ZNF845: variants seen among roughly 807,000 people sequenced by gnomAD.
ZNF845 encodes zinc finger protein 845.
Under a neutral mutation model 76.1 loss-of-function variants are expected in ZNF845, and 59 were observed. The observed-to-expected ratio is 0.78, with a 90% confidence interval of 0.63 to 0.96. The LOEUF (loss-of-function observed/expected upper bound fraction) is 0.96, where lower values mean the gene tolerates loss of function less well. Ranked by LOEUF, ZNF845 falls within the 40% of genes least tolerant of loss-of-function variation. ZNF845 has a pLI of 0.00. For synonymous variants in ZNF845, 361 were observed against 386.9 expected (o/e 0.93, Z 0.78); for missense variants, 1,045 against 1,172.8 (o/e 0.89, Z 1.59).
rs770439423 is a variant in ZNF845, at chr19:53,353,226, G to T, written c.2551G>T (p.Ala851Ser). 6.2e-7 allele frequency: 1 copy of T among 1,605,736 alleles called. No homozygotes were observed. The highest frequency in any genetic ancestry group is 8.5e-7 in the Non-Finnish European group (1 of 1,177,358). Residue 851 changes from alanine to serine, a missense_variant, in exon 4 of 4, where the codon GCA becomes TCA. Transcript: ENST00000458035. ...CAATTCAGCCCTTGAAATTCATAAG[G>T]CAATTCATACTGGAGAAAAACCTTA... is the stretch of plus-strand genomic sequence containing the variant. ...RHNSALEIHKAIHTGEKPYKC... is the reference protein window; with the variant it reads ...RHNSALEIHKSIHTGEKPYKC...
chr19:53,353,456 T>C lies in ZNF845; in HGVS notation c.2781T>C (p.Asn927=), dbSNP rs774945016. The change falls in exon 4 of 4, where the codon AAT becomes AAC. Residue 927 remains asparagine (N), a synonymous_variant. Coordinates refer to ENST00000458035, the MANE Select transcript of ZNF845 (RefSeq NM_138374.3). The stretch of plus-strand genomic sequence containing the variant: ...AGTGTGGCAAAACCTTCCGTCACAA[T>C]TCAGTCCTTGTAATTCATAAGACAA... ...CNECGKTFRH[N]SVLVIHKTIH... 1 of 1,612,018 alleles carries C rather than the reference T, an allele frequency of 6.2e-7. No individual in the cohort carries two copies. Among genetic ancestry groups the C allele is most frequent in the Non-Finnish European group, 8.5e-7 (1 of 1,179,488 alleles).
chr19:53,351,405 A>T lies in ZNF845; in HGVS notation c.730A>T (p.Lys244Ter). 6.2e-7 allele frequency: 1 copy of T among 1,614,232 alleles called. No homozygotes were observed. Among genetic ancestry groups the T allele is most frequent in the Non-Finnish European group, 8.5e-7 (1 of 1,180,044 alleles). Residue 244 changes from lysine to a stop codon, truncating the protein, a stop_gained, in exon 4 of 4, where the codon AAA becomes TAA. Coordinates refer to ENST00000458035, the MANE Select transcript of ZNF845 (RefSeq NM_138374.3). LOFTEE classifies it high-confidence loss of function. ...AATCCATTTAGGAGCGAAACAATATAAATGTGATGTGTGTGGCAAGGTCTT... is the reference window on the plus strand; with the variant it reads ...AATCCATTTAGGAGCGAAACAATATTAATGTGATGTGTGTGGCAAGGTCTT... ...QIIHLGAKQY[K>*]CDVCGKVFNQ...
At chr19:53,340,625 G>C in intron 1 of ZNF845, among the ~76,000 whole-genome samples, 1 of 152,252 alleles carries the variant, frequency 6.6e-6, no homozygotes, top group East Asian at 1.9e-4. Context: ...TAATTACATT[G>C]TTTATAAGGG....
intron 1 of ZNF845, among the ~76,000 whole-genome samples, chr19:53,340,171 C>A (rs2085246076): frequency 6.6e-6 from 1 of 152,226 alleles, no homozygotes. Flanking sequence ...CATGCCTCAG[C>A]CTCCTGAGCA....
Position 53,355,746 on chromosome 19 carries a change from C to T in ZNF845, c.*2158C>T, listed in dbSNP as rs1224074184. The T allele has an allele frequency of 1.3e-5, 2 of 151,992 alleles. No individual in the cohort carries two copies. Among genetic ancestry groups the T allele is most frequent in the Admixed American group, 6.6e-5 (1 of 15,258 alleles). The allele number at this position is 151,992 out of a possible 1,614,324, so 9.4% of individuals were successfully genotyped here. The stretch of plus-strand genomic sequence containing the variant: ...GTGATATCCTACAGGAAAACCATTC[C>T]ATTTTCCTTCATTGGTTATTTCAGC... On this transcript the variant is annotated 3_prime_UTR_variant, in exon 4 of 4. Transcript: ENST00000458035.
chr19:53,334,650 T>C (rs575620227), intron 1 of ZNF845, among the ~76,000 whole-genome samples: 9 of 151,062 alleles, frequency 6.0e-5, no homozygotes, highest in African/African-American at 1.5e-4. Context: ...CCTGTAATCC[T>C]AGCACTTTAG....
At chr19:53,339,526 A>T (rs542837376) in intron 1 of ZNF845, among the ~76,000 whole-genome samples, 2 of 152,122 alleles carry the variant, frequency 1.3e-5, no homozygotes, top group African/African-American at 4.8e-5. Context: ...CTGCAATTCT[A>T]TCGGTTTGCA....
intron 1 of ZNF845, among the ~76,000 whole-genome samples, chr19:53,334,734 C>A (rs1321449801): frequency 1.8e-5 from 2 of 114,016 alleles, no homozygotes; most frequent in Admixed American, 9.4e-5. Flanking sequence ...GACCCCCCCC[C>A]CCATCTCTGT....
chr19:53,336,694 T>C (rs736155), intron 1 of ZNF845, among the ~76,000 whole-genome samples: 1 of 148,812 alleles, frequency 6.7e-6, no homozygotes, highest in Admixed American at 6.7e-5. Context: ...TAAATATTTC[T>C]TTTTTAATAC....
At position 53,353,053 on chromosome 19, in the gene ZNF845, A is replaced by G. The variant is rs1206002745; in HGVS notation, c.2378A>G (p.His793Arg). 9 of 1,613,890 alleles carry G rather than the reference A, an allele frequency of 5.6e-6. No homozygotes were observed. Among genetic ancestry groups the G allele is most frequent in the Non-Finnish European group, 7.6e-6 (9 of 1,179,908 alleles). Reference sequence around the variant, plus strand: ...GGGCGTGATTCACACCTGGCACAACATACTAGAATTCACACTGGAGAGAAA... The same window carrying G: ...GGGCGTGATTCACACCTGGCACAACGTACTAGAATTCACACTGGAGAGAAA... ...AFGRDSHLAQ[H>R]TRIHTGEKPY... is the part of the protein sequence containing the mutation. Residue 793 changes from histidine to arginine, a missense_variant, in exon 4 of 4, where the codon CAT becomes CGT. Transcript: ENST00000458035.
intron 2 of ZNF845, 122 bp from the exon 3 acceptor site, chr19:53,345,384 A>G: frequency 6.4e-7 from 1 of 1,569,586 alleles, no homozygotes; most frequent in South Asian, 1.2e-5. Context: ...AGAATCCCTT[A>G]CTCGGATTTG....
At chr19:53,345,275 C>T (rs555020037) in intron 2 of ZNF845, among the ~76,000 whole-genome samples, 2 of 152,136 alleles carry the variant, frequency 1.3e-5, no homozygotes, top group South Asian at 4.1e-4. Context: ...GATATCGTGC[C>T]ACTGCACTCC....
In ZNF845 at chr19:53,354,862, T is replaced by C. The variant is rs2085373366; in HGVS notation, c.*1274T>C. On this transcript the variant is annotated 3_prime_UTR_variant, in exon 4 of 4. Transcript: ENST00000458035. ...TTATTAGTATCAGTAAAATCTTGGTTGATTCTTTGTGATTTTCTTTCTTTT... is the reference window on the plus strand; with the variant it reads ...TTATTAGTATCAGTAAAATCTTGGTCGATTCTTTGTGATTTTCTTTCTTTT... The C allele has an allele frequency of 6.6e-6, 1 of 152,066 alleles. No homozygotes were observed. The highest frequency in any genetic ancestry group is 6.6e-5 in the Admixed American group (1 of 15,260). 9.4% of individuals were successfully genotyped at this position (152,066 alleles called of 1,614,324 possible).
At chr19:53,346,309 A>T (rs929976307) in intron 3 of ZNF845, 6 of 375,596 alleles carry the variant, frequency 1.6e-5, no homozygotes, top group African/African-American at 1.1e-4. Context: ...ACTTTTGTTT[A>T]TGATGGAGTC....
chr19:53,341,105 C>T lies in ZNF845; in HGVS notation c.-73-130C>T, dbSNP rs534041207. On this transcript the variant is annotated intron_variant, in intron 1 of 3. Coordinates refer to ENST00000458035, the MANE Select transcript of ZNF845 (RefSeq NM_138374.3). Reference sequence around the variant, plus strand: ...CCTTCCACTGCCTGTAGGAGTTTATCGTCCCTGGTACAGTGGGCAGCAGAG... The same window carrying T: ...CCTTCCACTGCCTGTAGGAGTTTATTGTCCCTGGTACAGTGGGCAGCAGAG... 1.8e-5 allele frequency: 16 copies of T among 876,068 alleles called. No individual in the cohort carries two copies. The East Asian group carries it at 1.9e-4, about 10-fold the overall frequency. 54.3% of individuals were successfully genotyped at this position (876,068 alleles called of 1,614,324 possible). A position where few individuals can be genotyped will look rare whatever the true frequency, so the allele number is the denominator to read the frequency against.
At position 53,341,237 on chromosome 19, in the gene ZNF845, T is replaced by C. The variant is rs1599972247; in HGVS notation, c.-71T>C. 1.9e-6 allele frequency: 3 copies of C among 1,589,362 alleles called. No homozygotes were observed. The highest frequency in any genetic ancestry group is 1.7e-6 in the Non-Finnish European group (2 of 1,158,220). On this transcript the variant is annotated splice_region_variant and 5_prime_UTR_variant, in exon 2 of 4. Transcript: ENST00000458035. ...AACAACATATTTTTAACATTCAGGA[T>C]TGACTTCTAAAGACTCTTGGTACGT...
chr19:53,336,815 A>T (rs916084168), intron 1 of ZNF845, among the ~76,000 whole-genome samples: 15 of 152,250 alleles, frequency 9.9e-5, no homozygotes, highest in African/African-American at 3.4e-4. Context: ...ACAATTTCCA[A>T]ATAGTTTCTG....
chr19:53,334,127 T>C (rs2085195569), intron 1 of ZNF845, among the ~76,000 whole-genome samples: 1 of 152,128 alleles, frequency 6.6e-6, no homozygotes, highest in Admixed American at 6.5e-5. Flanking sequence ...CGCCTCCCAG[T>C]CTTGTCTTAA....
chr19:53,335,336 C>T (rs2085205729), intron 1 of ZNF845, among the ~76,000 whole-genome samples: 1 of 152,182 alleles, frequency 6.6e-6, no homozygotes, highest in African/African-American at 2.4e-5. Flanking sequence ...TCTCCTCTAA[C>T]TGCAGCCTCG....
Sources: gnomAD v4.1 joint callset for allele counts (sites outside exome capture counted in the v4.1 genomes callset) on GRCh38, gnomAD v4.1.1 for gene constraint, MANE v1.5 for transcripts, NCBI Gene and HGNC (gene_info 2026-07-23, HGNC 2026-07-21) for gene names.